Variants in LRRTM4 observed in about 807,000 individuals in gnomAD.
LRRTM4 encodes the protein leucine-rich repeat transmembrane neuronal protein 4.
LRRTM4 carries 25 observed loss-of-function variants against 47.6 expected under a neutral mutation model. The ratio of observed to expected loss-of-function variants is 0.53; its 90% confidence interval spans 0.38 to 0.73. The LOEUF (loss-of-function observed/expected upper bound fraction) is 0.73, where lower values mean the gene tolerates loss of function less well. Ranked by LOEUF, LRRTM4 falls within the 30% of genes least tolerant of loss-of-function variation. LRRTM4 has a pLI of 0.00. For synonymous variants in LRRTM4, 311 were observed against 269.5 expected (o/e 1.15, Z -1.51); for missense variants, 638 against 713.4 (o/e 0.89, Z 1.20).
At chr2:77,458,819 T>C (rs564437461) in intron 3 of LRRTM4, among the ~76,000 whole-genome samples, 79 of 151,676 alleles carry the variant, frequency 5.2e-4, no homozygotes, top group Non-Finnish European at 9.1e-4. Context: ...TTGTATTATT[T>C]CTGTCATTTC....
chr2:77,512,441 G>C (rs1425723054), intron 3 of LRRTM4, among the ~76,000 whole-genome samples: 1 of 151,944 alleles, frequency 6.6e-6, no homozygotes, highest in Admixed American at 6.6e-5. Context: ...ATGAATGATG[G>C]TTCTTCTGGT....
At chr2:76,831,107 CCTTT>C (rs1382636847) in intron 3 of LRRTM4, among the ~76,000 whole-genome samples, 1 of 152,082 alleles carries the variant, frequency 6.6e-6, no homozygotes, top group African/African-American at 2.4e-5. Flanking sequence ...GTAGAGATTG[CCTTT>C]CTTTAATTTT....
intron 3 of LRRTM4, among the ~76,000 whole-genome samples, chr2:76,751,785 C>T (rs148366181): frequency 7.4e-4 from 112 of 152,080 alleles, no homozygotes; most frequent in African/African-American, 2.5e-3. Flanking sequence ...AAGAAAGCAT[C>T]GAAATGTAAG....
At chr2:77,253,387 C>A (rs984580876) in intron 3 of LRRTM4, among the ~76,000 whole-genome samples, 2 of 151,970 alleles carry the variant, frequency 1.3e-5, no homozygotes, top group Admixed American at 6.6e-5. Context: ...TCAATAGAGG[C>A]CAACTAGGGA....
chr2:77,166,496 A>T (rs1672890214), intron 3 of LRRTM4, among the ~76,000 whole-genome samples: 1 of 152,240 alleles, frequency 6.6e-6, no homozygotes, highest in South Asian at 2.1e-4. Flanking sequence ...CCGCATTGCC[A>T]AGACAATACT....
At chr2:77,386,050 C>A (rs920244120) in intron 3 of LRRTM4, among the ~76,000 whole-genome samples, 3 of 151,934 alleles carry the variant, frequency 2.0e-5, no homozygotes, top group Non-Finnish European at 2.9e-5. Context: ...AGCCACCATG[C>A]CCAGCCACAT....
At chr2:77,207,994 T>C (rs1430517189) in intron 3 of LRRTM4, among the ~76,000 whole-genome samples, 1 of 148,604 alleles carries the variant, frequency 6.7e-6, no homozygotes, top group African/African-American at 2.5e-5. Context: ...TTCTCCTGCC[T>C]CAGCCTCCCA....
At chr2:77,495,289 C>A (rs1054739247) in intron 3 of LRRTM4, among the ~76,000 whole-genome samples, 1 of 152,088 alleles carries the variant, frequency 6.6e-6, no homozygotes, top group Non-Finnish European at 1.5e-5. Flanking sequence ...AGTTACTCTG[C>A]ATCTTTGCCA....
chr2:77,144,837 A>T (rs1052427026), intron 3 of LRRTM4, among the ~76,000 whole-genome samples: 15 of 152,208 alleles, frequency 9.9e-5, no homozygotes, highest in African/African-American at 3.6e-4. Context: ...CTGAACAACA[A>T]GAGCAAATAT....
At chr2:77,072,853 G>T (rs1223183415) in intron 3 of LRRTM4, among the ~76,000 whole-genome samples, 1 of 147,452 alleles carries the variant, frequency 6.8e-6, no homozygotes, top group South Asian at 2.2e-4. Context: ...TCCAAGGTTT[G>T]TATGATTTTC....
chr2:77,220,489 C>T lies in LRRTM4; in HGVS notation c.1551+297829G>A, dbSNP rs554113333. ...TTAGACGAATGGATAACTAGAATAA[C>T]CAATGCAGAGAAGTCCTTAAAGGAC... On this transcript the variant is annotated intron_variant, in intron 3 of 3. Coordinates refer to ENST00000409884, the MANE Select transcript of LRRTM4 (RefSeq NM_001134745.3). 3.9e-5 allele frequency among the ~76,000 whole-genome samples: 6 copies of T among 152,106 alleles called. No individual in the cohort carries two copies. In the South Asian group the frequency reaches 1.2e-3, roughly 31 times the overall value.
At chr2:77,200,892 A>G (rs1371431) in intron 3 of LRRTM4, among the ~76,000 whole-genome samples, 29,806 of 152,016 alleles carry the variant, frequency 0.2, 5,618 homozygotes, top group African/African-American at 0.49. Flanking sequence ...ATGAGTTTGG[A>G]ATTCTGAACT....
chr2:76,965,515 G>T (rs1004426725), intron 3 of LRRTM4, among the ~76,000 whole-genome samples: 2 of 151,014 alleles, frequency 1.3e-5, no homozygotes, highest in Admixed American at 6.6e-5. Context: ...ATTTAACTTT[G>T]GATGATGTAA....
intron 3 of LRRTM4, chr2:76,987,593 A>T (rs986136884): frequency 6.6e-6 from 1 of 151,834 alleles, no homozygotes; most frequent in South Asian, 2.1e-4. Context: ...TAACAATTTC[A>T]AAATTTCAAT....
At chr2:77,354,588 A>G (rs1671903476) in intron 3 of LRRTM4, among the ~76,000 whole-genome samples, 1 of 152,108 alleles carries the variant, frequency 6.6e-6, no homozygotes, top group South Asian at 2.1e-4. Flanking sequence ...GGAGACTGGT[A>G]AGGGAGTCAC....
chr2:77,362,967 A>G (rs1388735845), intron 3 of LRRTM4, among the ~76,000 whole-genome samples: 1 of 152,218 alleles, frequency 6.6e-6, no homozygotes, highest in Non-Finnish European at 1.5e-5. Flanking sequence ...GTATTTAACC[A>G]TGACTCTTTA....
rs531977376 is a variant in LRRTM4, at chr2:76,800,614, A to C, written c.1552-51698T>G. ...CAAAATTGACAAATGGGATCTAATT[A>C]AACTAAAGAGCTTCTGCACAGCAAA... is the stretch of plus-strand genomic sequence containing the variant. On this transcript the variant is annotated intron_variant, in intron 3 of 3. Coordinates refer to ENST00000409884, the MANE Select transcript of LRRTM4 (RefSeq NM_001134745.3). Among the ~76,000 whole-genome samples, 1,177 of 136,990 alleles carry C rather than the reference A, an allele frequency of 8.6e-3. 9 individuals are homozygous for C. Among genetic ancestry groups the C allele is most frequent in the African/African-American group, 0.03 (1,073 of 35,202 alleles). The allele number at this position is 136,990 out of a possible 152,430, so 89.9% of individuals were successfully genotyped here. A position where few individuals can be genotyped will look rare whatever the true frequency, so the allele number is the denominator to read the frequency against.
chr2:77,037,139 C>A (rs919776978), intron 3 of LRRTM4, among the ~76,000 whole-genome samples: 2 of 151,734 alleles, frequency 1.3e-5, no homozygotes, highest in Admixed American at 1.3e-4. Flanking sequence ...AGGCTGTAAT[C>A]ATTTAGTTCA....
chr2:76,814,796 C>T (rs1371717617), intron 3 of LRRTM4, among the ~76,000 whole-genome samples: 1 of 47,294 alleles, frequency 2.1e-5, no homozygotes, highest in Non-Finnish European at 3.5e-5. Context: ...CTTCAAGATA[C>T]ACACACACAT....
Sources: allele counts gnomAD v4.1 joint callset (sites outside exome capture counted in the v4.1 genomes callset), GRCh38; gene constraint gnomAD v4.1.1; transcripts MANE v1.5; gene names NCBI Gene and HGNC (gene_info 2026-07-23, HGNC 2026-07-21).